The following SHISAL2A variants were observed in gnomAD, a reference collection of about 807,000 sequenced individuals.
The protein encoded by SHISAL2A is protein shisa-like-2A.
In SHISAL2A, 18 loss-of-function variants were observed where a neutral mutation model predicts 11.5. The observed-to-expected ratio is 1.57, with a 90% CI of 1.08 to 2.33. The LOEUF is 2.33. Ranked by LOEUF, SHISAL2A falls within the 30% of genes most tolerant of loss-of-function variation. The probability of loss-of-function intolerance (pLI) is 0.00; values close to 1 mark genes in which losing one functional copy is unlikely to be tolerated. For missense variants in SHISAL2A, 261 were observed against 250.9 expected (o/e 1.04, Z -0.27); for synonymous variants, 94 against 99.6 (o/e 0.94, Z 0.34).
intron 5 of SHISAL2A, among the ~76,000 whole-genome samples, chr1:52,668,009 C>T (rs1368189219): frequency 6.6e-6 from 1 of 152,072 alleles, no homozygotes; most frequent in East Asian, 1.9e-4. Context: ...AGTAAATGGC[C>T]CACCCAGCTG....
chr1:52,665,022 C>G (rs1428729557), intron 4 of SHISAL2A, among the ~76,000 whole-genome samples: 1 of 152,164 alleles, frequency 6.6e-6, no homozygotes, highest in Non-Finnish European at 1.5e-5. Flanking sequence ...CTCCCAGGCT[C>G]AAGCAATCCG....
chr1:52,644,003 A>G (rs1183710452), intron 2 of SHISAL2A, among the ~76,000 whole-genome samples: 1 of 152,212 alleles, frequency 6.6e-6, no homozygotes, highest in Non-Finnish European at 1.5e-5. Flanking sequence ...ATAGTTTGGT[A>G]GCCAATGCTC....
intron 4 of SHISAL2A, among the ~76,000 whole-genome samples, chr1:52,666,044 T>C (rs1692004542): frequency 6.6e-6 from 1 of 152,230 alleles, no homozygotes; most frequent in Admixed American, 6.5e-5. Context: ...TTCCTCTCTG[T>C]CTCAAGAGAA....
At chr1:52,636,498 A>G (rs1224234723) in intron 1 of SHISAL2A, among the ~76,000 whole-genome samples, 2 of 152,238 alleles carry the variant, frequency 1.3e-5, no homozygotes, top group East Asian at 1.9e-4. Context: ...TGTAAGAACT[A>G]AGAGAAATAA....
chr1:52,668,066 G>A (rs368946242), intron 5 of SHISAL2A, among the ~76,000 whole-genome samples: 3 of 152,312 alleles, frequency 2.0e-5, no homozygotes, highest in African/African-American at 7.2e-5. Context: ...GAAAGGCCAT[G>A]GCAGCAGGGT....
intron 4 of SHISAL2A, among the ~76,000 whole-genome samples, chr1:52,663,010 T>A (rs1281813179): frequency 6.6e-6 from 1 of 152,198 alleles, no homozygotes; most frequent in Non-Finnish European, 1.5e-5. Context: ...GGGAGCTTCA[T>A]TGTGAAACCT....
intron 4 of SHISAL2A, among the ~76,000 whole-genome samples, chr1:52,663,009 A>G (rs1345204540): frequency 6.6e-6 from 1 of 152,178 alleles, no homozygotes; most frequent in South Asian, 2.1e-4. Flanking sequence ...AGGGAGCTTC[A>G]TTGTGAAACC....
chr1:52,648,175 A>G (rs565616978), intron 2 of SHISAL2A, among the ~76,000 whole-genome samples: 10 of 150,238 alleles, frequency 6.7e-5, no homozygotes, highest in Non-Finnish European at 1.0e-4. Flanking sequence ...AGTTTTATAT[A>G]TATACCCTGT....
intron 4 of SHISAL2A, among the ~76,000 whole-genome samples, chr1:52,662,808 A>G (rs1161943713): frequency 6.6e-6 from 1 of 152,194 alleles, no homozygotes; most frequent in Non-Finnish European, 1.5e-5. Flanking sequence ...TGAATCAGTC[A>G]TAATTCCTGC....
intron 5 of SHISAL2A, among the ~76,000 whole-genome samples, chr1:52,668,189 C>T (rs1169868460): frequency 6.6e-6 from 1 of 152,184 alleles, no homozygotes; most frequent in East Asian, 1.9e-4. Flanking sequence ...TTGATTGCAA[C>T]ATACTTCAAT....
intron 2 of SHISAL2A, 28 bp downstream of exon 2, chr1:52,643,030 G>A (rs1204703755): frequency 2.5e-6 from 4 of 1,611,630 alleles, no homozygotes; most frequent in Admixed American, 1.7e-5. Flanking sequence ...TGATGTCCTT[G>A]TATTCGGTAG....
chr1:52,650,304 TG>T (rs1691600864), intron 2 of SHISAL2A, among the ~76,000 whole-genome samples: 1 of 152,096 alleles, frequency 6.6e-6, no homozygotes, highest in Admixed American at 6.6e-5. Flanking sequence ...CCCCAGGTAA[TG>T]GGGGACTGGC....
At chr1:52,667,476 C>T in exon 5 of SHISAL2A, 10 of 415,286 alleles carry the variant, frequency 2.4e-5, no homozygotes, top group Non-Finnish European at 3.2e-5. Flanking sequence ...CAGATCATCA[C>T]CATCACCATC....
chr1:52,656,656 A>G, intron 2 of SHISAL2A, 134 bp from the exon 3 acceptor site: 1 of 925,774 alleles, frequency 1.1e-6, no homozygotes, highest in Non-Finnish European at 1.7e-6. Flanking sequence ...TAATAAATAC[A>G]TGTTAAACAA....
chr1:52,633,440 C>G lies in SHISAL2A; in HGVS notation c.-54C>G. On this transcript the variant is annotated 5_prime_UTR_variant, in exon 1 of 3. Coordinates refer to ENST00000517870, the MANE Select transcript of SHISAL2A (RefSeq NM_001042693.3). This position sits in a 1 kb window ranked among gnomAD's most constrained non-coding sequence, Gnocchi z 6.4. Reference sequence around the variant, plus strand: ...CTCGGTCCCTCGCTTCCCCGCCGGGCTCTAGCCGGCCGTCTGGTGGCCCGA... The same window carrying G: ...CTCGGTCCCTCGCTTCCCCGCCGGGGTCTAGCCGGCCGTCTGGTGGCCCGA... 4 of 1,406,084 alleles carry G rather than the reference C, an allele frequency of 2.8e-6. No individual in the cohort carries two copies. The highest frequency in any genetic ancestry group is 2.8e-6 in the Non-Finnish European group (3 of 1,084,578). The allele number at this position is 1,406,084 out of a possible 1,614,324, so 87.1% of individuals were successfully genotyped here.
chr1:52,658,963 A>G (rs1252713024), downstream of SHISAL2A, among the ~76,000 whole-genome samples: 1 of 152,102 alleles, frequency 6.6e-6, no homozygotes, highest in Non-Finnish European at 1.5e-5. Flanking sequence ...CACCCACAGA[A>G]GTGTTCTAGG....
intron 2 of SHISAL2A, among the ~76,000 whole-genome samples, chr1:52,647,980 A>G (rs1179195242): frequency 2.0e-5 from 3 of 150,432 alleles, no homozygotes. Flanking sequence ...GTACTCTCAT[A>G]TACTGCTGGT....
chr1:52,649,205 C>T (rs1486112287), intron 2 of SHISAL2A, among the ~76,000 whole-genome samples: 1 of 152,150 alleles, frequency 6.6e-6, no homozygotes, highest in Non-Finnish European at 1.5e-5. Context: ...TTACATTCAT[C>T]AGAGCTTTAC....
chr1:52,659,324 C>T (rs1455397426), downstream of SHISAL2A: 1 of 152,694 alleles, frequency 6.5e-6, no homozygotes, highest in African/African-American at 2.4e-5. Context: ...GCCACTGCAC[C>T]CAGCCTATTT....
Sources: gnomAD v4.1 joint callset for allele counts (sites outside exome capture counted in the v4.1 genomes callset) on GRCh38, gnomAD v4.1.1 for gene constraint, Gnocchi (gnomAD v3.1) non-coding constraint, MANE v1.5 for transcripts, NCBI Gene and HGNC (gene_info 2026-07-23, HGNC 2026-07-21) for gene names.